Variants in PCYT1A observed in about 807,000 individuals in gnomAD.
The protein encoded by PCYT1A is choline-phosphate cytidylyltransferase A.
PCYT1A carries 25 observed loss-of-function variants against 43.7 expected under a neutral mutation model. That is an observed-to-expected ratio of 0.57 (90% CI 0.42 to 0.80). PCYT1A has a LOEUF of 0.80. PCYT1A is among the 30% of genes least tolerant of loss of function. The pLI is 0.00. For synonymous variants in PCYT1A, 172 were observed against 170.7 expected, an observed-to-expected ratio of 1.01 and a Z score of -0.06; for missense variants, 421 against 474.2, an observed-to-expected ratio of 0.89 and a Z score of 1.04.
chr3:196,256,128 C>G (rs1724943245), intron 3 of PCYT1A, among the ~76,000 whole-genome samples: 1 of 152,168 alleles, frequency 6.6e-6, no homozygotes, highest in South Asian at 2.1e-4. Flanking sequence ...CTGGAATTAG[C>G]CTCTTTTTTG....
intron 2 of PCYT1A, among the ~76,000 whole-genome samples, chr3:196,262,786 CTTTT>C (rs200006356): frequency 7.2e-6 from 1 of 138,340 alleles, no homozygotes; most frequent in Non-Finnish European, 1.5e-5. Context: ...TCTAAGGATT[CTTTT>C]TTTTTTTTTT....
chr3:196,269,019 T>C (rs907712240), intron 2 of PCYT1A, among the ~76,000 whole-genome samples: 5 of 152,158 alleles, frequency 3.3e-5, no homozygotes, highest in African/African-American at 9.6e-5. Context: ...CACTAAGCAA[T>C]GTGGGAACCC....
intron 1 of PCYT1A, among the ~76,000 whole-genome samples, chr3:196,279,021 C>T (rs1252503266): frequency 6.8e-6 from 1 of 147,498 alleles, no homozygotes. Context: ...GGTGTGGTGG[C>T]TCACACTTGT....
chr3:196,276,280 A>G (rs1725589498), intron 1 of PCYT1A, among the ~76,000 whole-genome samples: 1 of 152,046 alleles, frequency 6.6e-6, no homozygotes. Flanking sequence ...ATTGTATCCC[A>G]TAAATATAAA....
chr3:196,284,085 T>C lies in PCYT1A; in HGVS notation c.-11+3530A>G, dbSNP rs116810685. ...GTAAGGGAGACCTATTTCTGCTTGATTCAGAAAGGGAAATTTCTATTAGTA... is the reference window on the plus strand; with the variant it reads ...GTAAGGGAGACCTATTTCTGCTTGACTCAGAAAGGGAAATTTCTATTAGTA... On this transcript the variant is annotated intron_variant, in intron 1 of 8. Transcript: ENST00000431016. Among the ~76,000 whole-genome samples, 548 of 152,294 alleles carry C rather than the reference T, an allele frequency of 3.6e-3. 2 individuals carry two copies. Among genetic ancestry groups the C allele is most frequent in the African/African-American group, 0.013 (520 of 41,568 alleles).
In PCYT1A at chr3:196,247,370, GT is replaced by G; in HGVS notation, c.482del (p.His161ProfsTer6). The G allele has an allele frequency of 6.2e-7, 1 of 1,613,982 alleles. No homozygotes were observed. The highest frequency in any genetic ancestry group is 8.5e-7 in the Non-Finnish European group (1 of 1,180,012). ...GAATATGTGTCCAGTTTCTTACCCG[GT>G]GTTCGGCCAGGAACTCGGGTGTCAG... ...WTLTPEFLAEHRIDFVAHDDI... is the reference protein window; with the variant it reads ...WTLTPEFLAEXRIDFVAHDDI... On this transcript the variant is annotated frameshift_variant, in exon 5 of 9. Coordinates refer to ENST00000431016, the MANE Select transcript of PCYT1A (RefSeq NM_001312673.2). LOFTEE classifies it high-confidence loss of function. The surrounding 1 kb of genome is among the most constrained non-coding windows in gnomAD (Gnocchi z 4.8).
At chr3:196,250,184 C>G (rs1191812018) in intron 3 of PCYT1A, among the ~76,000 whole-genome samples, 1 of 141,358 alleles carries the variant, frequency 7.1e-6, no homozygotes, top group Non-Finnish European at 1.5e-5. Context: ...GGCTGAGGAC[C>G]AGGTACACCA....
chr3:196,239,420 T>C (rs912995203), intron 8 of PCYT1A, 127 bp downstream of exon 8: 3 of 578,900 alleles, frequency 5.2e-6, no homozygotes, highest in Non-Finnish European at 6.1e-6. Context: ...AGTTGAAAGA[T>C]AGTTCTGCCC....
At chr3:196,261,472 C>T (rs372033956) in intron 2 of PCYT1A, among the ~76,000 whole-genome samples, 1 of 151,954 alleles carries the variant, frequency 6.6e-6, no homozygotes, top group Admixed American at 6.6e-5. Flanking sequence ...CTGACTAACA[C>T]GGTGAAACCC....
chr3:196,265,710 C>G (rs1459187505), intron 2 of PCYT1A, among the ~76,000 whole-genome samples: 2 of 151,798 alleles, frequency 1.3e-5, no homozygotes, highest in African/African-American at 4.8e-5. Flanking sequence ...ATAGCTTGAG[C>G]CCAGGGCAAC....
chr3:196,264,722 C>T (rs1458959459), intron 2 of PCYT1A, among the ~76,000 whole-genome samples: 1 of 152,094 alleles, frequency 6.6e-6, no homozygotes, highest in Admixed American at 6.6e-5. Context: ...CTTCCTACTC[C>T]TTTTTTCTCA....
intron 4 of PCYT1A, 49 bp downstream of exon 4, chr3:196,248,158 C>T: frequency 2.0e-6 from 2 of 1,002,112 alleles, no homozygotes; most frequent in Non-Finnish European, 3.2e-6. Flanking sequence ...ACAGACTGTA[C>T]TATCATCTTT....
At chr3:196,276,583 A>ACAG (rs1199634418) in intron 1 of PCYT1A, among the ~76,000 whole-genome samples, 1 of 151,424 alleles carries the variant, frequency 6.6e-6, no homozygotes, top group Non-Finnish European at 1.5e-5. Context: ...AGCCTGGGCA[A>ACAG]CAGAGTGAGA....
At position 196,236,193 on chromosome 3, in the gene PCYT1A, G is replaced by A. The variant is rs1387676221; in HGVS notation, c.*2495C>T. ...TTTGGGACCCAGACAATATATTTAG[G>A]AGGTATGGCTCCAATAGGGAGGGAG... On this transcript the variant is annotated 3_prime_UTR_variant, in exon 9 of 9. Transcript: ENST00000431016. 6.6e-6 allele frequency: 1 copy of A among 152,214 alleles called. No individual in the cohort carries two copies. The highest frequency in any genetic ancestry group is 2.4e-5 in the African/African-American group (1 of 41,430). 9.4% of individuals were successfully genotyped at this position (152,214 alleles called of 1,614,324 possible).
chr3:196,276,844 G>C (rs1725605746), intron 1 of PCYT1A, among the ~76,000 whole-genome samples: 1 of 152,022 alleles, frequency 6.6e-6, no homozygotes, highest in Non-Finnish European at 1.5e-5. Flanking sequence ...GCCGAGGTGG[G>C]AGGACTACTT....
At position 196,270,302 on chromosome 3, in the gene PCYT1A, T is replaced by C; in HGVS notation, c.117+113A>G. The C allele has an allele frequency of 1.8e-5, 14 of 758,432 alleles. No homozygotes were observed. In the South Asian group the frequency reaches 2.3e-4, roughly 12 times the overall value. The allele number at this position is 758,432 out of a possible 1,614,324, so 47.0% of individuals were successfully genotyped here. On this transcript the variant is annotated intron_variant, in intron 2 of 8. Transcript: ENST00000431016. ...AAAGGCAGCAGATTTCCAGTGACTG[T>C]GAAAATACACTTACTATTCCTTCTT...
At chr3:196,241,131 T>TAAAAAAA (rs1209954920) in intron 7 of PCYT1A, among the ~76,000 whole-genome samples, 8 of 49,700 alleles carry the variant, frequency 1.6e-4, no homozygotes, top group African/African-American at 2.5e-4. Context: ...CCATCTCTGC[T>TAAAAAAA]AAAAAAAAAA....
Position 196,247,378 on chromosome 3 carries a change from C to A in PCYT1A, c.475G>T (p.Ala159Ser), listed in dbSNP as rs757210925. ...GTCCAGTTTCTTACCCGGTGTTCGG[C>A]CAGGAACTCGGGTGTCAGCGTCCAG... ...APWTLTPEFLAEHRIDFVAHD... is the reference protein window; with the variant it reads ...APWTLTPEFLSEHRIDFVAHD... The change falls in exon 5 of 9, where the codon GCC becomes TCC. Residue 159 changes from alanine (A) to serine (S), a missense_variant. Physicochemically the swap from Ala to Ser is moderately conservative, Grantham distance 99. Coordinates refer to ENST00000431016, the MANE Select transcript of PCYT1A (RefSeq NM_001312673.2). The surrounding 1 kb of genome is among the most constrained non-coding windows in gnomAD (Gnocchi z 4.8). 6 of 1,613,902 alleles carry A rather than the reference C, an allele frequency of 3.7e-6. No homozygotes were observed. In the African/African-American group the frequency reaches 6.7e-5, roughly 18 times the overall value.
chr3:196,287,283 C>A (rs1018308233), intron 1 of PCYT1A: 25 of 152,622 alleles, frequency 1.6e-4, no homozygotes, highest in African/African-American at 5.5e-4. Context: ...TCCCTTAGGT[C>A]CGGATCCCCC....
Sources: gnomAD v4.1 joint callset for allele counts (sites outside exome capture counted in the v4.1 genomes callset) on GRCh38, gnomAD v4.1.1 for gene constraint, Gnocchi (gnomAD v3.1) non-coding constraint, MANE v1.5 for transcripts, NCBI Gene and HGNC (gene_info 2026-07-23, HGNC 2026-07-21) for gene names.